TDRP: variants seen among roughly 807,000 people sequenced by gnomAD.
The protein encoded by TDRP is testis development related protein.
A neutral mutation model predicts 10.5 loss-of-function variants in TDRP; 12 were observed. That is an observed-to-expected ratio of 1.15 (90% CI 0.73 to 1.86). The LOEUF (loss-of-function observed/expected upper bound fraction) is 1.86, where lower values mean the gene tolerates loss of function less well. TDRP is among the 40% of genes most tolerant of loss of function. The pLI is 0.00. For synonymous variants in TDRP, 139 were observed against 95.4 expected, an observed-to-expected ratio of 1.46 and a Z score of -2.67; for missense variants, 353 against 229.2, an observed-to-expected ratio of 1.54 and a Z score of -3.49.
chr8:517,566 A>G (rs1801792032), intron 1 of TDRP, among the ~76,000 whole-genome samples: 1 of 152,208 alleles, frequency 6.6e-6, no homozygotes, highest in African/African-American at 2.4e-5. Context: ...GCCAATCAGG[A>G]AATCTTTAAA....
chr8:533,420 C>A (rs1802261494), intron 1 of TDRP, among the ~76,000 whole-genome samples: 1 of 152,184 alleles, frequency 6.6e-6, no homozygotes, highest in Non-Finnish European at 1.5e-5. Context: ...AGCTGCTTTT[C>A]TGCCTTCATC....
chr8:516,763 G>C (rs945968748), intron 1 of TDRP, among the ~76,000 whole-genome samples: 1 of 152,142 alleles, frequency 6.6e-6, no homozygotes, highest in East Asian at 1.9e-4. Flanking sequence ...CAAATGACTT[G>C]AAACCAAATG....
At position 528,445 on chromosome 8, in the gene TDRP, A is replaced by C. The variant is rs1412775271; in HGVS notation, c.108+16205T>G. The stretch of plus-strand genomic sequence containing the variant: ...AAGAAAGGAAATCAATATATCAAAG[A>C]GATATCTGTGCTTCCAATATATATT... On this transcript the variant is annotated intron_variant, in intron 1 of 2. Coordinates refer to ENST00000324079, the MANE Select transcript of TDRP (RefSeq NM_001384899.1). Among the ~76,000 whole-genome samples, 2 of 131,292 alleles carry C rather than the reference A, an allele frequency of 1.5e-5. 1 individual carries two copies. 86.1% of individuals were successfully genotyped at this position (131,292 alleles called of 152,430 possible). A position where few individuals can be genotyped will look rare whatever the true frequency, so the allele number is the denominator to read the frequency against.
chr8:535,584 C>T (rs1490189138), intron 1 of TDRP, among the ~76,000 whole-genome samples: 1 of 151,996 alleles, frequency 6.6e-6, no homozygotes, highest in African/African-American at 2.4e-5. Context: ...TAAGACAAGG[C>T]TGATGAGCCC....
Position 491,824 on chromosome 8 carries a change from C to G in TDRP, c.*575G>C. 1 of 1,242,642 alleles carries G rather than the reference C, an allele frequency of 8.0e-7. No homozygotes were observed. The highest frequency in any genetic ancestry group is 1.0e-6 in the Non-Finnish European group (1 of 993,530). The allele number at this position is 1,242,642 out of a possible 1,614,324, so 77.0% of individuals were successfully genotyped here. A position where few individuals can be genotyped will look rare whatever the true frequency, so the allele number is the denominator to read the frequency against. On this transcript the variant is annotated 3_prime_UTR_variant, in exon 3 of 3. Transcript: ENST00000324079. ...CCTCCCTCAGCAAAAGATGAACATG[C>G]ATTTTAAGATACATTTTACTCCCAA...
intron 1 of TDRP, among the ~76,000 whole-genome samples, chr8:500,949 G>A (rs952595941): frequency 1.5e-4 from 23 of 152,332 alleles, no homozygotes; most frequent in East Asian, 7.7e-4. Context: ...TCTCACACCT[G>A]TAATCCCAGC....
At chr8:535,289 C>A (rs980434050) in intron 1 of TDRP, among the ~76,000 whole-genome samples, 1 of 152,116 alleles carries the variant, frequency 6.6e-6, no homozygotes, top group African/African-American at 2.4e-5. Flanking sequence ...ATGGTCCAAC[C>A]ATTTCTAGAC....
intron 1 of TDRP, among the ~76,000 whole-genome samples, chr8:507,566 A>G (rs567674344): frequency 1.3e-5 from 2 of 152,286 alleles, no homozygotes; most frequent in South Asian, 4.2e-4. Context: ...AAAGCCTGCC[A>G]CACCTCCATC....
chr8:531,093 A>G (rs1053052798), intron 1 of TDRP, among the ~76,000 whole-genome samples: 9 of 152,058 alleles, frequency 5.9e-5, no homozygotes, highest in Admixed American at 4.6e-4. Context: ...TTCACTTTCT[A>G]CCCAGCAGAG....
At chr8:501,091 G>C (rs534666791) in intron 1 of TDRP, among the ~76,000 whole-genome samples, 48 of 152,054 alleles carry the variant, frequency 3.2e-4, no homozygotes, top group African/African-American at 1.1e-3. Context: ...TGTAGTCCCA[G>C]CTACTCTGGA....
chr8:503,979 G>T (rs548477164), intron 1 of TDRP, among the ~76,000 whole-genome samples: 1 of 147,880 alleles, frequency 6.8e-6, no homozygotes, highest in Admixed American at 6.7e-5. Flanking sequence ...AGTCAACATG[G>T]AATCAAGAGC....
rs185810595 is a variant in TDRP, at chr8:514,305, A to G, written c.109-19708T>C. 7.9e-4 allele frequency among the ~76,000 whole-genome samples: 121 copies of G among 152,348 alleles called. No homozygotes were observed. In the South Asian group the frequency reaches 9.7e-3, roughly 12 times the overall value. ...TAAGCGTCCAGAAATAAACCCATAC[A>G]TATAAGGTCAATTGATTTTCAAGAA... is the stretch of plus-strand genomic sequence containing the variant. On this transcript the variant is annotated intron_variant, in intron 1 of 2. Coordinates refer to ENST00000324079, the MANE Select transcript of TDRP (RefSeq NM_001384899.1).
intron 1 of TDRP, among the ~76,000 whole-genome samples, chr8:529,721 G>A (rs767343108): frequency 6.6e-6 from 1 of 152,162 alleles, no homozygotes; most frequent in Non-Finnish European, 1.5e-5. Context: ...TAATGTTTCT[G>A]CTGACAAATC....
chr8:496,587 T>A (rs1801142207), intron 1 of TDRP, among the ~76,000 whole-genome samples: 1 of 152,204 alleles, frequency 6.6e-6, no homozygotes, highest in South Asian at 2.1e-4. Flanking sequence ...AGGCCTGCTG[T>A]GTCCCAACAC....
intron 1 of TDRP, among the ~76,000 whole-genome samples, chr8:527,327 ATATC>A (rs1802060650): frequency 6.6e-6 from 1 of 152,198 alleles, no homozygotes; most frequent in Non-Finnish European, 1.5e-5. Context: ...TATTGTTAAA[ATATC>A]CATATTGCCC....
At chr8:514,405 G>A (rs80243636) in intron 1 of TDRP, among the ~76,000 whole-genome samples, 3 of 152,138 alleles carry the variant, frequency 2.0e-5, no homozygotes, top group Admixed American at 1.3e-4. Flanking sequence ...AAAGCCACAT[G>A]TAAGAAAATG....
intron 1 of TDRP, among the ~76,000 whole-genome samples, chr8:538,821 T>C (rs1563133827): frequency 6.6e-6 from 1 of 152,102 alleles, no homozygotes; most frequent in Non-Finnish European, 1.5e-5. Flanking sequence ...ATGCAACTTT[T>C]CCCCCCATCA....
intron 1 of TDRP, among the ~76,000 whole-genome samples, chr8:497,519 G>C (rs541435761): frequency 5.9e-5 from 9 of 152,258 alleles, no homozygotes; most frequent in African/African-American, 1.9e-4. Context: ...CAAAGAGATG[G>C]TCTGAAATTG....
At chr8:518,089 C>T (rs929992028) in intron 1 of TDRP, among the ~76,000 whole-genome samples, 12 of 152,110 alleles carry the variant, frequency 7.9e-5, no homozygotes, top group African/African-American at 2.2e-4. Context: ...CAACACCCAG[C>T]GTAAACACTA....
Sources: allele counts gnomAD v4.1 joint callset (sites outside exome capture counted in the v4.1 genomes callset), GRCh38; gene constraint gnomAD v4.1.1; transcripts MANE v1.5; gene names NCBI Gene and HGNC (gene_info 2026-07-23, HGNC 2026-07-21).